The following MID1 variants were observed in gnomAD, a reference collection of about 807,000 sequenced individuals.
The protein encoded by MID1 is E3 ubiquitin-protein ligase Midline-1.
In MID1, 7 loss-of-function variants were observed where a neutral mutation model predicts 40.4. That is an observed-to-expected ratio of 0.17 (90% CI 0.10 to 0.33). The LOEUF is 0.33. MID1 is among the 10% of genes least tolerant of loss of function. The probability of loss-of-function intolerance (pLI) is 1.00; values close to 1 mark genes in which losing one functional copy is unlikely to be tolerated. For synonymous variants in MID1, 229 were observed against 221.2 expected (o/e 1.04, Z -0.31); for missense variants, 367 against 558.5 (o/e 0.66, Z 3.46).
intron 1 of MID1, among the ~76,000 whole-genome samples, chrX:10,646,836 A>G (rs948322583): frequency 1.8e-5 from 2 of 112,065 alleles, no homozygotes; most frequent in Non-Finnish European, 3.8e-5. Flanking sequence ...AGAAAACAGC[A>G]TTTACCTAAT....
intron 2 of MID1, among the ~76,000 whole-genome samples, chrX:10,528,929 A>C (rs1249209404): frequency 9.0e-6 from 1 of 111,559 alleles, no homozygotes; most frequent in African/African-American, 3.3e-5. Flanking sequence ...TTTAAGGAGC[A>C]TAATGGTTAA....
chrX:10,521,904 ATCTCAGCTCACTGCAGCC>A (rs1569082885), intron 3 of MID1, among the ~76,000 whole-genome samples: 1 of 112,100 alleles, frequency 8.9e-6, no homozygotes, highest in Non-Finnish European at 1.9e-5. Flanking sequence ...CAGTGGTGCA[ATCTCAGCTCACTGCAGCC>A]TCGATTTCCC....
intron 1 of MID1, among the ~76,000 whole-genome samples, chrX:10,754,315 TG>T (rs200475201): frequency 3.5e-4 from 37 of 106,924 alleles, no homozygotes; most frequent in African/African-American, 1.4e-3. Flanking sequence ...TTTTGTTTTT[TG>T]TTTTTTGTTT....
chrX:10,557,991 A>G (rs760708272), intron 2 of MID1, among the ~76,000 whole-genome samples: 6 of 110,395 alleles, frequency 5.4e-5, no homozygotes, highest in Non-Finnish European at 9.5e-5. Flanking sequence ...TCTTCCATGA[A>G]CACAGTAACC....
chrX:10,623,941 G>A (rs982204674), upstream of MID1, among the ~76,000 whole-genome samples: 2 of 111,417 alleles, frequency 1.8e-5, no homozygotes, highest in African/African-American at 3.3e-5. Flanking sequence ...TACCGTGTTC[G>A]AAGTGATTAG....
At chrX:10,826,375 T>C (rs1490790512) in intron 1 of MID1, among the ~76,000 whole-genome samples, 1 of 112,145 alleles carries the variant, frequency 8.9e-6, no homozygotes, top group Non-Finnish European at 1.9e-5. Flanking sequence ...TCACCTACGT[T>C]GACTCTGATG....
intron 2 of MID1, among the ~76,000 whole-genome samples, chrX:10,530,573 C>T (rs1176357716): frequency 7.1e-5 from 8 of 112,340 alleles, no homozygotes; most frequent in African/African-American, 2.6e-4. Flanking sequence ...TTAATGCACA[C>T]ATTTTGGATG....
chrX:10,544,059 G>A (rs113904107), intron 2 of MID1, among the ~76,000 whole-genome samples: 10,463 of 111,240 alleles, frequency 0.094, 776 homozygotes, highest in African/African-American at 0.26. Flanking sequence ...AGGGTTACAC[G>A]ACTAGTGATG....
At chrX:10,828,303 G>C (rs763590606) in intron 1 of MID1, among the ~76,000 whole-genome samples, 1 of 111,273 alleles carries the variant, frequency 9.0e-6, no homozygotes, top group Non-Finnish European at 1.9e-5. Flanking sequence ...CATCTTGGAC[G>C]CCACATCAGA....
intron 8 of MID1, among the ~76,000 whole-genome samples, chrX:10,458,681 C>T (rs1293761878): frequency 1.8e-5 from 2 of 111,742 alleles, no homozygotes; most frequent in Non-Finnish European, 3.8e-5. Context: ...AAGCCACAGT[C>T]TTCTCATTCG....
intron 1 of MID1, among the ~76,000 whole-genome samples, chrX:10,714,233 GC>G (rs2043286605): frequency 8.9e-6 from 1 of 112,757 alleles, no homozygotes; most frequent in African/African-American, 3.2e-5. Flanking sequence ...TGGGGAGAAA[GC>G]CTTCTTTGTG....
chrX:10,748,889 A>AG (rs755082407), intron 1 of MID1, among the ~76,000 whole-genome samples: 125 of 111,420 alleles, frequency 1.1e-3, no homozygotes, highest in Non-Finnish European at 2.2e-3. Context: ...TGCTGTCATA[A>AG]GGCAAGATAG....
intron 3 of MID1, among the ~76,000 whole-genome samples, chrX:10,498,687 C>T (rs1473980576): frequency 3.6e-5 from 4 of 112,039 alleles, no homozygotes; most frequent in Admixed American, 1.9e-4. Context: ...CTGTTCTGGA[C>T]GTTTCATATA....
At chrX:10,684,110 TTTTG>T (rs989701250) in intron 1 of MID1, among the ~76,000 whole-genome samples, 7 of 110,384 alleles carry the variant, frequency 6.3e-5, no homozygotes, top group African/African-American at 2.3e-4. Context: ...CGTTTTGGCT[TTTTG>T]TTTGTTTGTT....
chrX:10,549,158 A>G (rs1441241175), intron 2 of MID1, among the ~76,000 whole-genome samples: 1 of 112,801 alleles, frequency 8.9e-6, no homozygotes, highest in Non-Finnish European at 1.9e-5. Flanking sequence ...TACCATCAAA[A>G]TGCAGACCTC....
intron 1 of MID1, among the ~76,000 whole-genome samples, chrX:10,795,257 GA>G (rs1484905240): frequency 1.8e-5 from 2 of 112,409 alleles, no homozygotes; most frequent in Non-Finnish European, 3.8e-5. Context: ...GAAAAGCTAA[GA>G]AAAAAGATCA....
intron 1 of MID1, among the ~76,000 whole-genome samples, chrX:10,685,472 A>G (rs754854764): frequency 8.9e-6 from 1 of 112,052 alleles, no homozygotes; most frequent in Admixed American, 9.5e-5. Context: ...TCTGTGTAAA[A>G]ACTGGCCATA....
At chrX:10,770,769 T>G (rs1213575742) in intron 1 of MID1, among the ~76,000 whole-genome samples, 1 of 111,915 alleles carries the variant, frequency 8.9e-6, no homozygotes, top group Non-Finnish European at 1.9e-5. Context: ...TATCTGTTCT[T>G]AAAATTGTGG....
At chrX:10,484,551 A>G (rs1254403521) in intron 4 of MID1, among the ~76,000 whole-genome samples, 1 of 112,250 alleles carries the variant, frequency 8.9e-6, no homozygotes, top group Non-Finnish European at 1.9e-5. Context: ...CTGTGAAAAT[A>G]TCGGAATGTT....
Sources: allele counts gnomAD v4.1 joint callset (sites outside exome capture counted in the v4.1 genomes callset), GRCh38; gene constraint gnomAD v4.1.1; transcripts MANE v1.5; gene names NCBI Gene and HGNC (gene_info 2026-07-23, HGNC 2026-07-21).